CTNND2: variants seen among roughly 807,000 people sequenced by gnomAD.
The protein encoded by CTNND2 is catenin delta 2.
CTNND2 carries 22 observed loss-of-function variants against 144.4 expected under a neutral mutation model. That is an observed-to-expected ratio of 0.15 (90% CI 0.11 to 0.22). The LOEUF is 0.22. CTNND2 is among the 10% of genes least tolerant of loss of function. CTNND2 has a pLI of 1.00. For missense variants in CTNND2, 1,353 were observed against 1,618.8 expected (o/e 0.84, Z 2.82); for synonymous variants, 751 against 695.6 (o/e 1.08, Z -1.25).
intron 1 of CTNND2, among the ~76,000 whole-genome samples, chr5:11,893,725 T>C (rs1737173500): frequency 6.6e-6 from 1 of 152,162 alleles, no homozygotes; most frequent in African/African-American, 2.4e-5. Context: ...GCTTCTGTCC[T>C]AGGTCCACAG....
At chr5:11,682,728 G>A (rs1268887481) in intron 2 of CTNND2, among the ~76,000 whole-genome samples, 2 of 152,134 alleles carry the variant, frequency 1.3e-5, no homozygotes, top group East Asian at 3.9e-4. Flanking sequence ...ACCCAGAACT[G>A]TGTGAAGGGC....
chr5:10,981,643 G>T, intron 21 of CTNND2, 130 bp downstream of exon 21: 1 of 805,332 alleles, frequency 1.2e-6, no homozygotes, highest in Non-Finnish European at 2.1e-6. Context: ...GTGAGGAGAG[G>T]GCCTCAGGGG....
At chr5:11,662,420 A>G (rs1783320135) in intron 2 of CTNND2, among the ~76,000 whole-genome samples, 1 of 151,790 alleles carries the variant, frequency 6.6e-6, no homozygotes, top group African/African-American at 2.4e-5. Flanking sequence ...AAGAACTTGG[A>G]GTCCAATGTT....
At chr5:11,674,716 T>TTTGTTTGG (rs368963579) in intron 2 of CTNND2, among the ~76,000 whole-genome samples, 2 of 151,002 alleles carry the variant, frequency 1.3e-5, no homozygotes, top group African/African-American at 2.4e-5. Flanking sequence ...TGTTTGTTTG[T>TTTGTTTGG]TTGGTTGGTT....
intron 14 of CTNND2, among the ~76,000 whole-genome samples, chr5:11,108,521 T>C (rs764158748): frequency 2.6e-5 from 4 of 152,224 alleles, no homozygotes; most frequent in Non-Finnish European, 2.9e-5. Context: ...GAAACAAAGA[T>C]GATCATGAAA....
intron 3 of CTNND2, among the ~76,000 whole-genome samples, chr5:11,433,443 C>CTGATATTCT (rs1763480252): frequency 1.3e-5 from 2 of 152,032 alleles, no homozygotes; most frequent in African/African-American, 2.4e-5. Flanking sequence ...TATTCTTGCA[C>CTGATATTCT]TGTTAAAAGG....
chr5:11,009,052 A>C (rs763492188), intron 18 of CTNND2, among the ~76,000 whole-genome samples: 33 of 152,358 alleles, frequency 2.2e-4, no homozygotes, highest in Admixed American at 5.2e-4. Flanking sequence ...TTCTTCTTAA[A>C]TAGGACTTCC....
At chr5:11,085,816 C>G (rs912490029) in intron 15 of CTNND2, among the ~76,000 whole-genome samples, 1 of 152,154 alleles carries the variant, frequency 6.6e-6, no homozygotes, top group Non-Finnish European at 1.5e-5. Flanking sequence ...GACAAGCCCC[C>G]CTCCATGGAT....
chr5:11,633,529 G>A (rs1781516386), intron 2 of CTNND2, among the ~76,000 whole-genome samples: 2 of 152,160 alleles, frequency 1.3e-5, no homozygotes, highest in Admixed American at 6.5e-5. Flanking sequence ...GGTAATCCCT[G>A]CACTTTGGGA....
At chr5:11,226,747 C>T (rs373784220) in intron 10 of CTNND2, among the ~76,000 whole-genome samples, 10 of 152,164 alleles carry the variant, frequency 6.6e-5, no homozygotes, top group Non-Finnish European at 7.3e-5. Flanking sequence ...AACTACAATT[C>T]GAGATTTGTA....
chr5:11,001,492 A>G lies in CTNND2; in HGVS notation c.3085-8815T>C, dbSNP rs1579999887. Among the ~76,000 whole-genome samples the G allele has an allele frequency of 5.3e-5, 8 of 152,186 alleles. No individual in the cohort carries two copies. The South Asian group carries it at 1.5e-3, about 28-fold the overall frequency. ...TAGTACCTGGAACACAGAGGTGCCT[A>G]ATCAATGCTAGCTGGAGTCAATGAT... On this transcript the variant is annotated intron_variant, in intron 18 of 21. Coordinates refer to ENST00000304623, the MANE Select transcript of CTNND2 (RefSeq NM_001332.4).
At position 11,631,813 on chromosome 5, in the gene CTNND2, T is replaced by C. The variant is rs1781430561; in HGVS notation, c.175-66757A>G. ...GCTTGCTCCTCAGGAGAAGATTCTA[T>C]GCTGGGAGGAGGAAGTTTACCATCC... On this transcript the variant is annotated intron_variant, in intron 2 of 21. Transcript: ENST00000304623. Among the ~76,000 whole-genome samples the C allele has an allele frequency of 2.6e-5, 4 of 152,168 alleles. No individual in the cohort carries two copies. The South Asian group carries it at 8.3e-4, about 32-fold the overall frequency.
intron 11 of CTNND2, among the ~76,000 whole-genome samples, chr5:11,181,532 T>C (rs546641449): frequency 6.6e-6 from 1 of 152,188 alleles, no homozygotes; most frequent in East Asian, 1.9e-4. Flanking sequence ...CCAAGCCCAG[T>C]GTATAGAACA....
chr5:11,810,303 A>C (rs1332182856), intron 1 of CTNND2, among the ~76,000 whole-genome samples: 1 of 152,182 alleles, frequency 6.6e-6, no homozygotes, highest in Non-Finnish European at 1.5e-5. Context: ...TGCCTGTGAC[A>C]CAGACCTTGA....
chr5:11,143,704 G>A (rs1358744305), intron 12 of CTNND2, among the ~76,000 whole-genome samples: 3 of 152,202 alleles, frequency 2.0e-5, no homozygotes, highest in African/African-American at 7.2e-5. Flanking sequence ...CTTGGAGGGA[G>A]GTATAATTTT....
chr5:11,756,090 C>T (rs11133669), intron 1 of CTNND2, among the ~76,000 whole-genome samples: 132,679 of 151,580 alleles, frequency 0.88, 60,285 homozygotes, highest in Non-Finnish European at 0.99. Context: ...AAAAAGACTG[C>T]TTTTTAATGC....
At chr5:11,246,754 C>G (rs1191265042) in intron 9 of CTNND2, among the ~76,000 whole-genome samples, 1 of 151,848 alleles carries the variant, frequency 6.6e-6, no homozygotes, top group African/African-American at 2.4e-5. Flanking sequence ...ATTATAAATA[C>G]AGAGGCCAGG....
intron 1 of CTNND2, among the ~76,000 whole-genome samples, chr5:11,733,000 T>G (rs1787478406): frequency 6.6e-6 from 1 of 152,140 alleles, no homozygotes; most frequent in African/African-American, 2.4e-5. Context: ...ACCTGGAGGT[T>G]CCTGGAAAGT....
At chr5:11,558,368 GTGTGTGTGTGTGTGAC>G (rs766617130) in intron 3 of CTNND2, among the ~76,000 whole-genome samples, 2,537 of 98,668 alleles carry the variant, frequency 0.026, 35 homozygotes, top group Non-Finnish European at 0.035. Flanking sequence ...GTGTGTGTGT[GTGTGTGTGTGTGTGAC>G]ACACAAGGTC....
Sources: gnomAD v4.1 joint callset for allele counts (sites outside exome capture counted in the v4.1 genomes callset) on GRCh38, gnomAD v4.1.1 for gene constraint, MANE v1.5 for transcripts, NCBI Gene and HGNC (gene_info 2026-07-23, HGNC 2026-07-21) for gene names.